The following PLCB1 variants were observed in gnomAD, a reference collection of about 807,000 sequenced individuals.
The protein encoded by PLCB1 is phospholipase C beta 1, also known as 1-phosphatidylinositol 4,5-bisphosphate phosphodiesterase beta-1.
In PLCB1, 46 loss-of-function variants were observed where a neutral mutation model predicts 161.8. The ratio of observed to expected loss-of-function variants is 0.28; its 90% CI spans 0.22 to 0.36. PLCB1 has a LOEUF of 0.36. Ranked by LOEUF, PLCB1 falls within the 10% of genes least tolerant of loss-of-function variation. The pLI, the probability that PLCB1 is intolerant of heterozygous loss-of-function variation, is 1.00. For synonymous variants in PLCB1, 517 were observed against 503.7 expected (o/e 1.03, Z -0.35); for missense variants, 1,016 against 1,472.5 (o/e 0.69, Z 5.07).
At chr20:8,342,978 T>G (rs1985867984) in intron 2 of PLCB1, among the ~76,000 whole-genome samples, 1 of 152,176 alleles carries the variant, frequency 6.6e-6, no homozygotes, top group Non-Finnish European at 1.5e-5. Context: ...AGGAATAGTT[T>G]TATACAATTG....
intron 3 of PLCB1, among the ~76,000 whole-genome samples, chr20:8,497,409 C>T (rs913069042): frequency 2.0e-5 from 3 of 152,044 alleles, no homozygotes; most frequent in Non-Finnish European, 4.4e-5. Flanking sequence ...GAAAGTAACT[C>T]ATAAGATGAT....
Position 8,737,129 on chromosome 20 carries a change from C to T in PLCB1, c.2145C>T (p.Thr715=), listed in dbSNP as rs1393078718. ...PVDTRRKAFK[T]KTSQGNAVNP... ...ATACAAGGAGGAAGGCATTTAAGACCAAAACATCCCAAGGAAATGCTGTGA... is the reference window on the plus strand; with the variant it reads ...ATACAAGGAGGAAGGCATTTAAGACTAAAACATCCCAAGGAAATGCTGTGA... The change falls in exon 20 of 32, where the codon ACC becomes ACT. Residue 715 remains threonine (T), a synonymous_variant. Coordinates refer to ENST00000338037, the MANE Select transcript of PLCB1 (RefSeq NM_015192.4). 6.2e-7 allele frequency: 1 copy of T among 1,613,722 alleles called. No homozygotes were observed. Among genetic ancestry groups the T allele is most frequent in the Admixed American group, 1.7e-5 (1 of 60,006 alleles).
At chr20:8,810,173 G>C (rs1317909970) in intron 31 of PLCB1, among the ~76,000 whole-genome samples, 1 of 152,142 alleles carries the variant, frequency 6.6e-6, no homozygotes, top group Non-Finnish European at 1.5e-5. Context: ...CTTTGAAAAT[G>C]TAATACCATC....
chr20:8,314,107 A>T (rs1260906185), intron 2 of PLCB1, among the ~76,000 whole-genome samples: 3 of 152,138 alleles, frequency 2.0e-5, no homozygotes, highest in Non-Finnish European at 4.4e-5. Flanking sequence ...TGCCAACATT[A>T]TCTTCCTCTA....
intron 31 of PLCB1, among the ~76,000 whole-genome samples, chr20:8,834,772 G>A (rs922556304): frequency 1.2e-4 from 16 of 129,168 alleles, no homozygotes; most frequent in East Asian, 8.2e-4. Flanking sequence ...CCAAGTCCGC[G>A]CCACTGCACT....
At chr20:8,761,482 A>G (rs1176378821) in intron 25 of PLCB1, among the ~76,000 whole-genome samples, 1 of 152,212 alleles carries the variant, frequency 6.6e-6, no homozygotes, top group Non-Finnish European at 1.5e-5. Flanking sequence ...TAGAAAAATT[A>G]CTTGAGGAAA....
intron 31 of PLCB1, among the ~76,000 whole-genome samples, chr20:8,835,976 T>C (rs566415765): frequency 6.6e-6 from 1 of 152,208 alleles, no homozygotes; most frequent in South Asian, 2.1e-4. Flanking sequence ...CTTAGGCAGG[T>C]ATCTGTGTTC....
intron 3 of PLCB1, among the ~76,000 whole-genome samples, chr20:8,523,494 CT>C (rs1984452083): frequency 8.1e-5 from 4 of 49,584 alleles, no homozygotes; most frequent in African/African-American, 2.4e-4. Context: ...CTCTCTCTCT[CT>C]CTATATATAT....
chr20:8,628,562 G>C (rs1318778064), intron 4 of PLCB1, 131 bp downstream of exon 4: 2 of 858,444 alleles, frequency 2.3e-6, no homozygotes, highest in African/African-American at 3.4e-5. Context: ...AAATAATTCA[G>C]CTGCCAAGTA....
At chr20:8,569,627 G>T (rs1171150279) in intron 3 of PLCB1, among the ~76,000 whole-genome samples, 1 of 152,160 alleles carries the variant, frequency 6.6e-6, no homozygotes, top group Non-Finnish European at 1.5e-5. Flanking sequence ...ATAGGGAAAT[G>T]ATTAAGTAGA....
chr20:8,641,769 T>C (rs1329817457), intron 4 of PLCB1, among the ~76,000 whole-genome samples: 1 of 152,162 alleles, frequency 6.6e-6, no homozygotes, highest in Non-Finnish European at 1.5e-5. Context: ...TTGGTGGCCA[T>C]GGGGAAGAAC....
chr20:8,540,690 T>C (rs1220702484), intron 3 of PLCB1, among the ~76,000 whole-genome samples: 1 of 150,110 alleles, frequency 6.7e-6, no homozygotes. Context: ...CAGACCCCCA[T>C]TGATGAGAGA....
At chr20:8,266,937 G>A (rs1475100066) in intron 2 of PLCB1, among the ~76,000 whole-genome samples, 1 of 151,938 alleles carries the variant, frequency 6.6e-6, no homozygotes, top group African/African-American at 2.4e-5. Flanking sequence ...TACTTGGGAT[G>A]CTGAGGCAAG....
At chr20:8,658,443 A>G (rs1600230886) in intron 8 of PLCB1, 95 bp from the exon 9 acceptor site, 1 of 929,336 alleles carries the variant, frequency 1.1e-6, no homozygotes, top group Non-Finnish European at 1.6e-6. Flanking sequence ...TTTTCTTATC[A>G]AGTATAAGAT....
At chr20:8,817,137 C>A (rs910306301) in intron 31 of PLCB1, among the ~76,000 whole-genome samples, 20 of 152,114 alleles carry the variant, frequency 1.3e-4, no homozygotes, top group Non-Finnish European at 2.6e-4. Context: ...TCTAAGATAA[C>A]AAAATATCAA....
chr20:8,273,254 CA>C, intron 2 of PLCB1, among the ~76,000 whole-genome samples: 1 of 152,096 alleles, frequency 6.6e-6, no homozygotes, highest in Non-Finnish European at 1.5e-5. Context: ...CCAAATCTTG[CA>C]TGTATGTAAC....
At chr20:8,576,627 A>G (rs1300509786) in intron 3 of PLCB1, among the ~76,000 whole-genome samples, 1 of 152,202 alleles carries the variant, frequency 6.6e-6, no homozygotes, top group African/African-American at 2.4e-5. Context: ...TTTTATAAAG[A>G]AACAGAATCA....
At chr20:8,530,391 A>G (rs1984759039) in intron 3 of PLCB1, among the ~76,000 whole-genome samples, 1 of 152,076 alleles carries the variant, frequency 6.6e-6, no homozygotes. Context: ...GATACCTAAT[A>G]TATTTGCTAT....
intron 3 of PLCB1, among the ~76,000 whole-genome samples, chr20:8,405,675 C>G (rs754389651): frequency 2.0e-5 from 3 of 152,136 alleles, no homozygotes; most frequent in Non-Finnish European, 2.9e-5. Context: ...CAAAAACCTT[C>G]CCTGTTAGAC....
Sources: allele counts gnomAD v4.1 joint callset (sites outside exome capture counted in the v4.1 genomes callset), GRCh38; gene constraint gnomAD v4.1.1; transcripts MANE v1.5; gene names NCBI Gene and HGNC (gene_info 2026-07-23, HGNC 2026-07-21).